Variants in DLG2 observed in about 807,000 individuals in gnomAD.
DLG2 encodes discs large MAGUK scaffold protein 2, also known as disks large homolog 2.
In DLG2, 45 loss-of-function variants were observed where a neutral mutation model predicts 132.5. The ratio of observed to expected loss-of-function variants is 0.34; its 90% CI spans 0.27 to 0.44. DLG2 has a LOEUF of 0.44. DLG2 is among the 20% of genes least tolerant of loss of function. The pLI is 1.00. For synonymous variants in DLG2, 424 were observed against 419.6 expected (o/e 1.01, Z -0.13); for missense variants, 1,045 against 1,196.9 (o/e 0.87, Z 1.87).
Position 84,421,535 on chromosome 11 carries a change from T to C in DLG2, c.519+113035A>G, listed in dbSNP as rs557078297. On this transcript the variant is annotated intron_variant, in intron 7 of 27. Transcript: ENST00000376104. The stretch of plus-strand genomic sequence containing the variant: ...GTCTCCTAAAGCGTCTCCTTGTCTG[T>C]ACTCTTGCTCATTTCTAATACACTC... 3.6e-4 allele frequency among the ~76,000 whole-genome samples: 55 copies of C among 152,312 alleles called. 1 individual carries two copies. In the South Asian group the frequency reaches 0.011, roughly 29 times the overall value.
At chr11:84,799,770 GGTAGTTATTTCCTGA>G (rs2075139654) in intron 6 of DLG2, among the ~76,000 whole-genome samples, 1 of 152,130 alleles carries the variant, frequency 6.6e-6, no homozygotes, top group African/African-American at 2.4e-5. Context: ...ATATTCAAGA[GGTAGTTATTTCCTGA>G]GTAGCCTTCT....
intron 7 of DLG2, among the ~76,000 whole-genome samples, chr11:84,466,082 A>G (rs2099093639): frequency 6.6e-6 from 1 of 151,328 alleles, no homozygotes; most frequent in Non-Finnish European, 1.5e-5. Flanking sequence ...TCAGTTATAA[A>G]AAAAGGAATT....
intron 3 of DLG2, among the ~76,000 whole-genome samples, chr11:85,419,724 G>A (rs2090145373): frequency 1.3e-5 from 2 of 152,048 alleles, no homozygotes; most frequent in Admixed American, 6.6e-5. Flanking sequence ...GATCAACTCG[G>A]CTATTGATAC....
intron 3 of DLG2, among the ~76,000 whole-genome samples, chr11:85,496,794 G>A (rs1157254568): frequency 6.6e-6 from 1 of 152,158 alleles, no homozygotes; most frequent in African/African-American, 2.4e-5. Flanking sequence ...AGGGTCTGGA[G>A]CAGACCTCCA....
intron 21 of DLG2, among the ~76,000 whole-genome samples, chr11:83,506,883 G>A (rs1281938902): frequency 6.6e-6 from 1 of 152,126 alleles, no homozygotes; most frequent in Non-Finnish European, 1.5e-5. Flanking sequence ...TCAGCCACTC[G>A]CATGATAAGA....
At chr11:85,053,340 T>G (rs977363743) in intron 6 of DLG2, among the ~76,000 whole-genome samples, 4 of 152,170 alleles carry the variant, frequency 2.6e-5, no homozygotes, top group Non-Finnish European at 5.9e-5. Flanking sequence ...GTTACCTCTC[T>G]GAGACTAATT....
chr11:83,789,390 G>C (rs528610073), intron 17 of DLG2, among the ~76,000 whole-genome samples: 196 of 145,600 alleles, frequency 1.3e-3, no homozygotes, highest in African/African-American at 4.0e-3. Context: ...CGGGAGGGGG[G>C]GCAGCATTGA....
At chr11:84,116,276 G>C (rs377269703) in intron 9 of DLG2, among the ~76,000 whole-genome samples, 1 of 152,256 alleles carries the variant, frequency 6.6e-6, no homozygotes. Flanking sequence ...AAAAGCATTC[G>C]ATACTGTTTA....
chr11:83,929,509 A>G (rs2079735816), intron 15 of DLG2, among the ~76,000 whole-genome samples: 5 of 152,166 alleles, frequency 3.3e-5, no homozygotes. Flanking sequence ...TTTGTTATTT[A>G]TCATATATAG....
chr11:83,698,369 T>C (rs929321956), intron 18 of DLG2, among the ~76,000 whole-genome samples: 5 of 152,330 alleles, frequency 3.3e-5, no homozygotes, highest in East Asian at 3.9e-4. Flanking sequence ...CAGAAGAACA[T>C]AGCAGCATCT....
In DLG2 at chr11:85,285,319, A is replaced by G; in HGVS notation, c.87T>C (p.Ser29=). ...YEVTLLNSQK[S]CEQKIEEANQ... is the part of the protein sequence containing the mutation. ...TGGCTTCTTCTATCTTCTGCTCACA[A>G]CTTTTTTGAGAATTTAGCAATGTCA... The change falls in exon 4 of 28, where the codon AGT becomes AGC. Residue 29 remains serine, a synonymous_variant. Transcript: ENST00000376104. 8 of 1,611,814 alleles carry G rather than the reference A, an allele frequency of 5.0e-6. No homozygotes were observed. Among genetic ancestry groups the G allele is most frequent in the Non-Finnish European group, 5.9e-6 (7 of 1,178,608 alleles).
intron 8 of DLG2, among the ~76,000 whole-genome samples, chr11:84,164,734 A>C (rs1566775731): frequency 1.3e-5 from 2 of 152,252 alleles, no homozygotes; most frequent in Non-Finnish European, 2.9e-5. Context: ...AGTTATAATC[A>C]GTGAACATAT....
chr11:85,042,398 A>G (rs2061951976), intron 6 of DLG2, among the ~76,000 whole-genome samples: 1 of 152,042 alleles, frequency 6.6e-6, no homozygotes, highest in Admixed American at 6.6e-5. Context: ...TAGGCACTAC[A>G]CTAAGTGTTT....
At chr11:85,183,604 A>G (rs1230990531) in intron 4 of DLG2, among the ~76,000 whole-genome samples, 2 of 151,918 alleles carry the variant, frequency 1.3e-5, no homozygotes, top group South Asian at 2.1e-4. Context: ...ATTTTAACAT[A>G]AACACTAACA....
chr11:85,288,208 TTG>T (rs1477626917), intron 3 of DLG2, among the ~76,000 whole-genome samples: 7 of 152,102 alleles, frequency 4.6e-5, no homozygotes, highest in African/African-American at 1.2e-4. Context: ...AAGAAAAATT[TTG>T]TGTTTCATAA....
At chr11:84,464,370 G>T (rs3862778) in intron 7 of DLG2, among the ~76,000 whole-genome samples, 1 of 150,942 alleles carries the variant, frequency 6.6e-6, no homozygotes, top group African/African-American at 2.4e-5. Flanking sequence ...TTCTCAGTGT[G>T]GTGGTTTGCC....
intron 6 of DLG2, among the ~76,000 whole-genome samples, chr11:85,017,372 T>C (rs2154138109): frequency 6.6e-6 from 1 of 151,254 alleles, no homozygotes; most frequent in Non-Finnish European, 1.5e-5. Flanking sequence ...TTTTTATTCC[T>C]TTCTTCCTGT....
At chr11:85,373,104 G>A (rs2085118570) in intron 3 of DLG2, among the ~76,000 whole-genome samples, 2 of 152,070 alleles carry the variant, frequency 1.3e-5, no homozygotes, top group African/African-American at 4.8e-5. Flanking sequence ...TAAACTGGTC[G>A]ACCTAGGTTT....
At chr11:83,920,881 A>G (rs535634201) in intron 15 of DLG2, among the ~76,000 whole-genome samples, 99 of 152,270 alleles carry the variant, frequency 6.5e-4, no homozygotes, top group Non-Finnish European at 1.3e-3. Context: ...CTATCTTCAT[A>G]TATCAATCAG....
Sources: allele counts gnomAD v4.1 joint callset (sites outside exome capture counted in the v4.1 genomes callset), GRCh38; gene constraint gnomAD v4.1.1; transcripts MANE v1.5; gene names NCBI Gene and HGNC (gene_info 2026-07-23, HGNC 2026-07-21).